NRG3: variants seen among roughly 807,000 people sequenced by gnomAD.
NRG3 encodes the protein neuregulin 3, also known as pro-neuregulin-3, membrane-bound isoform.
In NRG3, 31 loss-of-function variants were observed where a neutral mutation model predicts 66.9. The observed-to-expected ratio is 0.46, with a 90% CI of 0.35 to 0.63. The LOEUF is 0.63. Among genes scored for constraint, NRG3 ranks in the 20% least tolerant of loss-of-function variants. The probability of loss-of-function intolerance (pLI) is 0.00; values close to 1 mark genes in which losing one functional copy is unlikely to be tolerated. For missense variants in NRG3, 910 were observed against 878.9 expected (o/e 1.04, Z -0.45); for synonymous variants, 393 against 359.4 (o/e 1.09, Z -1.06).
intron 2 of NRG3, among the ~76,000 whole-genome samples, chr10:82,722,967 A>G (rs1395695997): frequency 6.6e-6 from 1 of 151,964 alleles, no homozygotes. Context: ...CACTACTAGT[A>G]TATATATATA....
At chr10:82,388,205 T>C (rs181884838) in intron 2 of NRG3, among the ~76,000 whole-genome samples, 6 of 152,278 alleles carry the variant, frequency 3.9e-5, no homozygotes, top group African/African-American at 1.4e-4. Flanking sequence ...TATGGGACTC[T>C]CATGTGGGAT....
At chr10:82,261,134 A>C (rs954756368) in intron 1 of NRG3, among the ~76,000 whole-genome samples, 1 of 152,132 alleles carries the variant, frequency 6.6e-6, no homozygotes, top group African/African-American at 2.4e-5. Flanking sequence ...TGCAAACCCC[A>C]TAATCCTCAT....
At chr10:82,317,068 C>G (rs2081333555) in intron 1 of NRG3, among the ~76,000 whole-genome samples, 1 of 152,142 alleles carries the variant, frequency 6.6e-6, no homozygotes, top group South Asian at 2.1e-4. Context: ...AGGTTTTCTT[C>G]CTAAAATATC....
At chr10:82,562,321 G>A (rs148978153) in intron 2 of NRG3, among the ~76,000 whole-genome samples, 1 of 152,112 alleles carries the variant, frequency 6.6e-6, no homozygotes, top group Non-Finnish European at 1.5e-5. Context: ...GATTGGAAAA[G>A]TGAGAGTATA....
At chr10:81,949,261 G>A (rs7897529) in intron 1 of NRG3, among the ~76,000 whole-genome samples, 9,593 of 152,102 alleles carry the variant, frequency 0.063, 831 homozygotes, top group East Asian at 0.19. Flanking sequence ...AAACAAAGAC[G>A]CTCTTATTAC....
At chr10:82,617,716 CTT>C (rs956801347) in intron 2 of NRG3, among the ~76,000 whole-genome samples, 2 of 152,068 alleles carry the variant, frequency 1.3e-5, no homozygotes, top group African/African-American at 4.8e-5. Context: ...GACGCAGTCT[CTT>C]AAGTGTGGGG....
At chr10:82,055,014 T>G (rs1440315203) in intron 1 of NRG3, among the ~76,000 whole-genome samples, 1 of 145,200 alleles carries the variant, frequency 6.9e-6, no homozygotes, top group Admixed American at 6.7e-5. Flanking sequence ...TCTGTCTCTC[T>G]TAAAACAAAT....
In NRG3 at chr10:82,554,160, T is replaced by C. The variant is rs1177425201; in HGVS notation, c.954-184417T>C. 2.0e-5 allele frequency among the ~76,000 whole-genome samples: 3 copies of C among 152,160 alleles called. No individual in the cohort carries two copies. The East Asian group carries it at 5.8e-4, about 29-fold the overall frequency. On this transcript the variant is annotated intron_variant, in intron 2 of 8. Coordinates refer to ENST00000372141, the MANE Select transcript of NRG3 (RefSeq NM_001010848.4). ...TAAAATTAAGATGCAGATGAGCTTC[T>C]TGATTTCACAGTATGTTTTAAGTGG...
At chr10:82,767,361 T>G (rs2059554995) in intron 3 of NRG3, among the ~76,000 whole-genome samples, 1 of 152,146 alleles carries the variant, frequency 6.6e-6, no homozygotes, top group Non-Finnish European at 1.5e-5. Flanking sequence ...TTTTCCTCCT[T>G]TGGCTAAATA....
intron 2 of NRG3, among the ~76,000 whole-genome samples, chr10:82,692,992 C>T (rs188859886): frequency 1.3e-5 from 2 of 152,244 alleles, no homozygotes; most frequent in African/African-American, 4.8e-5. Context: ...ATGGGCCGCC[C>T]CTCAACACTG....
intron 3 of NRG3, among the ~76,000 whole-genome samples, chr10:82,768,844 G>T (rs998339360): frequency 1.3e-5 from 2 of 151,982 alleles, no homozygotes; most frequent in African/African-American, 4.8e-5. Flanking sequence ...TAGCTTTTTT[G>T]TGTGTGTACC....
chr10:82,263,927 C>T (rs543617470), intron 1 of NRG3, among the ~76,000 whole-genome samples: 1 of 152,290 alleles, frequency 6.6e-6, no homozygotes, highest in South Asian at 2.1e-4. Context: ...ATGGTTTGCA[C>T]ATGATGAGTG....
chr10:82,632,697 AC>A (rs2049924934), intron 2 of NRG3, among the ~76,000 whole-genome samples: 1 of 152,102 alleles, frequency 6.6e-6, no homozygotes, highest in African/African-American at 2.4e-5. Context: ...TGTTTTAGGT[AC>A]CCCAAAATAC....
chr10:82,644,352 T>A (rs2133835702), intron 2 of NRG3, among the ~76,000 whole-genome samples: 1 of 152,292 alleles, frequency 6.6e-6, no homozygotes, highest in Non-Finnish European at 1.5e-5. Flanking sequence ...GTTGTGACTA[T>A]AAAGAAACTT....
chr10:82,546,112 G>A (rs145507585), intron 2 of NRG3, among the ~76,000 whole-genome samples: 28 of 152,276 alleles, frequency 1.8e-4, no homozygotes, highest in African/African-American at 6.7e-4. Flanking sequence ...AATGGATTTT[G>A]CATGGCCACC....
At chr10:82,133,030 T>G (rs2069049820) in intron 1 of NRG3, among the ~76,000 whole-genome samples, 2 of 152,100 alleles carry the variant, frequency 1.3e-5, no homozygotes, top group Non-Finnish European at 2.9e-5. Context: ...TTTTGTTGAT[T>G]TTTTGTATTT....
At chr10:82,721,750 A>G (rs1479428678) in intron 2 of NRG3, among the ~76,000 whole-genome samples, 1 of 152,078 alleles carries the variant, frequency 6.6e-6, no homozygotes, top group African/African-American at 2.4e-5. Context: ...AAGGTCAACA[A>G]TTTTATGCAT....
At position 82,954,277 on chromosome 10, in the gene NRG3, A is replaced by G. The variant is rs559632619; in HGVS notation, c.1157+2706A>G. Among the ~76,000 whole-genome samples the G allele has an allele frequency of 1.1e-4, 17 of 152,110 alleles. No homozygotes were observed. The South Asian group carries it at 3.1e-3, about 28-fold the overall frequency. ...TAATGTGTAGTTGTACCACATTTAA[A>G]TGAAAGACAGATCATGGTAATTATG... On this transcript the variant is annotated intron_variant, in intron 5 of 8. Transcript: ENST00000372141.
chr10:82,200,370 G>T (rs150977562), intron 1 of NRG3, among the ~76,000 whole-genome samples: 2 of 152,222 alleles, frequency 1.3e-5, no homozygotes, highest in Non-Finnish European at 2.9e-5. Context: ...ACCTGGCATG[G>T]AGAAGAGATG....
Sources: allele counts gnomAD v4.1 joint callset (sites outside exome capture counted in the v4.1 genomes callset), GRCh38; gene constraint gnomAD v4.1.1; transcripts MANE v1.5; gene names NCBI Gene and HGNC (gene_info 2026-07-23, HGNC 2026-07-21).